GALK2: variants seen among roughly 807,000 people sequenced by gnomAD.
GALK2 encodes galactokinase 2.
In GALK2, 36 loss-of-function variants were observed where a neutral mutation model predicts 52.4. The ratio of observed to expected loss-of-function variants is 0.69; its 90% CI spans 0.53 to 0.91. The LOEUF is 0.91. Ranked by LOEUF, GALK2 falls within the 40% of genes least tolerant of loss-of-function variation. The pLI is 0.00. For missense variants in GALK2, 579 were observed against 559.1 expected, an observed-to-expected ratio of 1.04 and a Z score of -0.36; for synonymous variants, 176 against 199.1, an observed-to-expected ratio of 0.88 and a Z score of 0.98.
chr15:49,229,417 T>C (rs933867554), intron 3 of GALK2, among the ~76,000 whole-genome samples: 20 of 152,312 alleles, frequency 1.3e-4, no homozygotes, highest in African/African-American at 4.6e-4. Context: ...CAAAGCATTC[T>C]GCATTGTTGT....
downstream of GALK2, among the ~76,000 whole-genome samples, chr15:49,332,769 A>G (rs2039031823): frequency 6.6e-6 from 1 of 152,266 alleles, no homozygotes; most frequent in South Asian, 2.1e-4. Flanking sequence ...CAGCAAGTTT[A>G]GATGAGCTAT....
chr15:49,261,832 G>C (rs761043210), intron 5 of GALK2, among the ~76,000 whole-genome samples: 1 of 151,982 alleles, frequency 6.6e-6, no homozygotes, highest in Non-Finnish European at 1.5e-5. Context: ...TAATCATGTG[G>C]TTTTTGTCTT....
chr15:49,278,784 G>C (rs1290463047), intron 5 of GALK2, among the ~76,000 whole-genome samples: 1 of 152,200 alleles, frequency 6.6e-6, no homozygotes, highest in Admixed American at 6.5e-5. Flanking sequence ...TATTTTATAG[G>C]TGTATTAGTC....
At chr15:49,251,418 T>G (rs1281186025) in intron 5 of GALK2, among the ~76,000 whole-genome samples, 3 of 152,136 alleles carry the variant, frequency 2.0e-5, no homozygotes, top group Non-Finnish European at 4.4e-5. Flanking sequence ...TGACTGCCTT[T>G]GGGAATTAGG....
At chr15:49,212,480 T>TG (rs2089001338) in intron 2 of GALK2, among the ~76,000 whole-genome samples, 1 of 152,020 alleles carries the variant, frequency 6.6e-6, no homozygotes, top group Admixed American at 6.5e-5. Context: ...GATTTTTTTT[T>TG]GTAGTTTTAA....
rs1370229064 is a variant in GALK2, at chr15:49,331,784, T to G, written c.*3625T>G. ...ATTTTCAGAAAGAAAACCTACCAGT[T>G]TATGTAGGAACTTCTCAAAGTCCTG... On this transcript the variant is annotated 3_prime_UTR_variant, in exon 10 of 10. Transcript: ENST00000560031. 1.3e-6 allele frequency: 2 copies of G among 1,590,738 alleles called. No individual in the cohort carries two copies. Among genetic ancestry groups the G allele is most frequent in the South Asian group, 1.1e-5 (1 of 90,592 alleles).
chr15:49,199,361 A>C (rs1223660972), intron 1 of GALK2, among the ~76,000 whole-genome samples: 2 of 151,834 alleles, frequency 1.3e-5, no homozygotes, highest in Non-Finnish European at 2.9e-5. Flanking sequence ...GTATACTTTT[A>C]TTTGTTCTTG....
At chr15:49,261,046 G>A (rs2141624687) in intron 5 of GALK2, among the ~76,000 whole-genome samples, 1 of 152,096 alleles carries the variant, frequency 6.6e-6, no homozygotes, top group Non-Finnish European at 1.5e-5. Flanking sequence ...GCTTGGCAAT[G>A]CAGGCTCTTT....
intron 3 of GALK2, 136 bp from the exon 4 acceptor site, chr15:49,235,715 T>C: frequency 2.6e-6 from 2 of 776,810 alleles, no homozygotes; most frequent in Non-Finnish European, 4.7e-6. Context: ...TGTTTTGCTG[T>C]AGACACACAG....
chr15:49,348,386 A>G (rs2041822346), intron 3 of GALK2, among the ~76,000 whole-genome samples: 1 of 152,206 alleles, frequency 6.6e-6, no homozygotes, highest in Non-Finnish European at 1.5e-5. Context: ...TCATATAAAG[A>G]TAGAACTTCT....
intron 9 of GALK2, chr15:49,326,822 A>G (rs1278681835): frequency 6.6e-6 from 1 of 152,220 alleles, no homozygotes; most frequent in Non-Finnish European, 1.5e-5. Context: ...GATAAAAAGA[A>G]ATCAACTGAG....
chr15:49,232,669 C>G (rs527882230), intron 3 of GALK2, among the ~76,000 whole-genome samples: 1 of 152,328 alleles, frequency 6.6e-6, no homozygotes, highest in East Asian at 1.9e-4. Flanking sequence ...TTGTTAGAAG[C>G]AGCAGGCTAT....
intron 5 of GALK2, among the ~76,000 whole-genome samples, chr15:49,250,676 A>T (rs1460024005): frequency 3.3e-5 from 5 of 152,196 alleles, no homozygotes; most frequent in Admixed American, 2.0e-4. Flanking sequence ...TGATATAATC[A>T]GTATCATAGA....
At chr15:49,182,846 T>C (rs2086074226) in intron 1 of GALK2, among the ~76,000 whole-genome samples, 1 of 152,238 alleles carries the variant, frequency 6.6e-6, no homozygotes, top group Non-Finnish European at 1.5e-5. Context: ...TTACATTTTT[T>C]CCTATTACAT....
chr15:49,311,291 C>T (rs2035970497), intron 8 of GALK2, among the ~76,000 whole-genome samples: 2 of 152,160 alleles, frequency 1.3e-5, no homozygotes, highest in Admixed American at 1.3e-4. Context: ...ATTTACTTCT[C>T]AAAAGGTTCT....
chr15:49,335,553 A>G, downstream of GALK2: 1 of 1,331,650 alleles, frequency 7.5e-7, no homozygotes, highest in Non-Finnish European at 1.1e-6. Flanking sequence ...GGAAGTAAAC[A>G]GTACCCTTCA....
chr15:49,270,946 G>C (rs2030461480), intron 5 of GALK2, among the ~76,000 whole-genome samples: 1 of 152,142 alleles, frequency 6.6e-6, no homozygotes, highest in African/African-American at 2.4e-5. Flanking sequence ...GACCTCAAGA[G>C]TGGGACAGGA....
At chr15:49,275,925 C>T (rs1438398257) in intron 5 of GALK2, among the ~76,000 whole-genome samples, 3 of 152,142 alleles carry the variant, frequency 2.0e-5, no homozygotes, top group Non-Finnish European at 4.4e-5. Flanking sequence ...CTTTTGTTTC[C>T]TACCCAGGCT....
intron 3 of GALK2, among the ~76,000 whole-genome samples, chr15:49,342,348 T>G (rs1295468958): frequency 6.6e-6 from 1 of 152,180 alleles, no homozygotes; most frequent in Non-Finnish European, 1.5e-5. Context: ...GAATAGTGAC[T>G]CCTGCTCTTT....
Sources: gnomAD v4.1 joint callset for allele counts (sites outside exome capture counted in the v4.1 genomes callset) on GRCh38, gnomAD v4.1.1 for gene constraint, MANE v1.5 for transcripts, NCBI Gene and HGNC (gene_info 2026-07-23, HGNC 2026-07-21) for gene names.